Variants in MOB3B observed in about 807,000 individuals in gnomAD.
The protein encoded by MOB3B is MOB kinase activator-like 2B.
In MOB3B, 7 loss-of-function variants were observed where a neutral mutation model predicts 18.7. The ratio of observed to expected loss-of-function variants is 0.37; its 90% CI spans 0.21 to 0.70. MOB3B has a LOEUF of 0.70. Ranked by LOEUF, MOB3B falls within the 30% of genes least tolerant of loss-of-function variation. The probability of loss-of-function intolerance (pLI) is 0.52; values close to 1 mark genes in which losing one functional copy is unlikely to be tolerated. For missense variants in MOB3B, 253 were observed against 281.3 expected (o/e 0.90, Z 0.72); for synonymous variants, 111 against 99.9 (o/e 1.11, Z -0.66).
At position 27,449,997 on chromosome 9, in the gene MOB3B, A is replaced by C. The variant is rs61037389; in HGVS notation, c.418+5136T>G. On this transcript the variant is annotated intron_variant, in intron 2 of 3. Coordinates refer to ENST00000262244, the MANE Select transcript of MOB3B (RefSeq NM_024761.5). ...TGTCTCAAAAATTAAAAAAAAAAAAAAAAAAACTTAAAATGTAAAGGCCAA... is the reference window on the plus strand; with the variant it reads ...TGTCTCAAAAATTAAAAAAAAAAAACAAAAAACTTAAAATGTAAAGGCCAA... 4.6e-5 allele frequency among the ~76,000 whole-genome samples: 7 copies of C among 151,964 alleles called. No individual in the cohort carries two copies. In the East Asian group the frequency reaches 5.8e-4, roughly 13 times the overall value.
At chr9:27,465,675 A>T (rs771129709) in intron 1 of MOB3B, among the ~76,000 whole-genome samples, 9 of 152,220 alleles carry the variant, frequency 5.9e-5, no homozygotes, top group Non-Finnish European at 1.3e-4. Context: ...GTATCCAGGC[A>T]TGTCCACACA....
intron 2 of MOB3B, among the ~76,000 whole-genome samples, chr9:27,424,128 T>C (rs1320936508): frequency 6.6e-6 from 1 of 152,230 alleles, no homozygotes; most frequent in Non-Finnish European, 1.5e-5. Flanking sequence ...CAGTTAATCA[T>C]CACTCACATA....
At chr9:27,384,727 C>T (rs150819026) in intron 2 of MOB3B, among the ~76,000 whole-genome samples, 99 of 152,284 alleles carry the variant, frequency 6.5e-4, no homozygotes, top group African/African-American at 2.2e-3. Context: ...GGGTGTCAGA[C>T]GGAAGCATCT....
intron 1 of MOB3B, among the ~76,000 whole-genome samples, chr9:27,528,319 C>T (rs1587283022): frequency 6.6e-6 from 1 of 152,378 alleles, no homozygotes; most frequent in South Asian, 2.1e-4. Context: ...GCCCCAACGC[C>T]TTTGGCTAGA....
At chr9:27,418,490 G>A (rs1183170884) in intron 2 of MOB3B, among the ~76,000 whole-genome samples, 3 of 152,196 alleles carry the variant, frequency 2.0e-5, no homozygotes, top group Non-Finnish European at 2.9e-5. Flanking sequence ...AATCCACCAC[G>A]ATCAAGTGGG....
intron 3 of MOB3B, among the ~76,000 whole-genome samples, chr9:27,349,667 A>G (rs2131346907): frequency 6.6e-6 from 1 of 152,354 alleles, no homozygotes; most frequent in South Asian, 2.1e-4. Context: ...TACAATTACT[A>G]TTTGGTGTCT....
intron 3 of MOB3B, among the ~76,000 whole-genome samples, chr9:27,335,819 T>C (rs531912563): frequency 1.3e-5 from 2 of 152,288 alleles, no homozygotes; most frequent in East Asian, 3.9e-4. Flanking sequence ...ATTCCCTCAG[T>C]GCCCATGACA....
chr9:27,383,002 A>G (rs1821600981), intron 2 of MOB3B, among the ~76,000 whole-genome samples: 2 of 152,220 alleles, frequency 1.3e-5, no homozygotes, highest in South Asian at 4.1e-4. Flanking sequence ...TAGTAAGATC[A>G]TAAGAGAGAG....
chr9:27,500,842 C>T (rs1423438823), intron 1 of MOB3B, among the ~76,000 whole-genome samples: 1 of 152,154 alleles, frequency 6.6e-6, no homozygotes, highest in East Asian at 1.9e-4. Context: ...TTTTTGCAAT[C>T]TACCCATCTG....
At chr9:27,394,123 CT>C (rs913649055) in intron 2 of MOB3B, 4 of 152,148 alleles carry the variant, frequency 2.6e-5, no homozygotes, top group Non-Finnish European at 4.4e-5. Context: ...GTTTGTGGTT[CT>C]TTCATCATAA....
At chr9:27,410,065 T>C (rs966102524) in intron 2 of MOB3B, among the ~76,000 whole-genome samples, 1 of 152,186 alleles carries the variant, frequency 6.6e-6, no homozygotes, top group Non-Finnish European at 1.5e-5. Context: ...CACTTAAAAA[T>C]GGTGAAAATG....
At chr9:27,418,224 G>A (rs987179028) in intron 2 of MOB3B, among the ~76,000 whole-genome samples, 1 of 151,460 alleles carries the variant, frequency 6.6e-6, no homozygotes, top group Non-Finnish European at 1.5e-5. Flanking sequence ...AAATGTCCAG[G>A]ACCAGACAGA....
chr9:27,496,140 G>A (rs184740601), intron 1 of MOB3B, among the ~76,000 whole-genome samples: 1 of 152,328 alleles, frequency 6.6e-6, no homozygotes, highest in Admixed American at 6.5e-5. Flanking sequence ...AATACAGCAA[G>A]TATTCCAACT....
At position 27,528,163 on chromosome 9, in the gene MOB3B, T is replaced by C. The variant is rs551378465; in HGVS notation, c.-199+1392A>G. Among the ~76,000 whole-genome samples, 21 of 152,364 alleles carry C rather than the reference T, an allele frequency of 1.4e-4. No individual in the cohort carries two copies. The East Asian group carries it at 3.9e-3, about 28-fold the overall frequency. ...ACACTACTATTTCCAGGCAACGTCATAAGGCTTCCTCGTTATTTGCATCTT... is the reference window on the plus strand; with the variant it reads ...ACACTACTATTTCCAGGCAACGTCACAAGGCTTCCTCGTTATTTGCATCTT... On this transcript the variant is annotated intron_variant, in intron 1 of 3. Coordinates refer to ENST00000262244, the MANE Select transcript of MOB3B (RefSeq NM_024761.5).
At chr9:27,335,288 G>A (rs1325184582) in intron 3 of MOB3B, among the ~76,000 whole-genome samples, 1 of 152,196 alleles carries the variant, frequency 6.6e-6, no homozygotes, top group African/African-American at 2.4e-5. Context: ...AAACATGGGT[G>A]TCACCTACTC....
chr9:27,388,150 G>A (rs952120436), intron 2 of MOB3B, among the ~76,000 whole-genome samples: 2 of 152,176 alleles, frequency 1.3e-5, no homozygotes, highest in African/African-American at 2.4e-5. Flanking sequence ...ATAAACCTTG[G>A]AAAAACCTTG....
intron 1 of MOB3B, among the ~76,000 whole-genome samples, chr9:27,504,895 C>T (rs1393984099): frequency 6.6e-6 from 1 of 152,150 alleles, no homozygotes; most frequent in Non-Finnish European, 1.5e-5. Context: ...CTTGCCTTTT[C>T]TAGCTTCTGG....
At chr9:27,503,451 C>A (rs1461738562) in intron 1 of MOB3B, among the ~76,000 whole-genome samples, 1 of 152,208 alleles carries the variant, frequency 6.6e-6, no homozygotes, top group Non-Finnish European at 1.5e-5. Flanking sequence ...GGATCCAGCC[C>A]CAACTGGCTG....
At chr9:27,396,190 T>A (rs1821795803) in intron 2 of MOB3B, among the ~76,000 whole-genome samples, 1 of 152,238 alleles carries the variant, frequency 6.6e-6, no homozygotes, top group Non-Finnish European at 1.5e-5. Context: ...ACATTTTCTT[T>A]TGCTTCAAAC....
Sources: gnomAD v4.1 joint callset for allele counts (sites outside exome capture counted in the v4.1 genomes callset) on GRCh38, gnomAD v4.1.1 for gene constraint, MANE v1.5 for transcripts, NCBI Gene and HGNC (gene_info 2026-07-23, HGNC 2026-07-21) for gene names.